ANAPC4: variants seen among roughly 807,000 people sequenced by gnomAD.
The protein encoded by ANAPC4 is anaphase-promoting complex subunit 4.
ANAPC4 carries 63 observed loss-of-function variants against 119.8 expected under a neutral mutation model. That is an observed-to-expected ratio of 0.53 (90% CI 0.43 to 0.65). The LOEUF is 0.65. ANAPC4 is among the 30% of genes least tolerant of loss of function. The pLI is 0.00. For synonymous variants in ANAPC4, 283 were observed against 318.6 expected (o/e 0.89, Z 1.19); for missense variants, 716 against 945.1 (o/e 0.76, Z 3.18).
chr4:25,399,331 AC>A (rs1268298564), intron 16 of ANAPC4, among the ~76,000 whole-genome samples: 1 of 152,162 alleles, frequency 6.6e-6, no homozygotes, highest in African/African-American at 2.4e-5. Flanking sequence ...GTTCGGGATC[AC>A]GTATTTGTTT....
Position 25,417,756 on chromosome 4 carries a change from C to T in ANAPC4, c.2199+17C>T, listed in dbSNP as rs184602267. On this transcript the variant is annotated intron_variant, in intron 28 of 28. Transcript: ENST00000315368. ...TCCTGTGTGGTAAGTGTTTAGAGAT[C>T]GTTCAGCAACTAAGAAATTACAAGA... The T allele has an allele frequency of 1.2e-3, 1,930 of 1,590,794 alleles. 1 individual carries two copies. The highest frequency in any genetic ancestry group is 1.5e-3 in the Admixed American group (82 of 53,946).
At position 25,414,341 on chromosome 4, in the gene ANAPC4, G is replaced by A. The variant is rs754737228; in HGVS notation, c.1641G>A (p.Ser547=). 8 of 1,592,998 alleles carry A rather than the reference G, an allele frequency of 5.0e-6. No homozygotes were observed. The highest frequency in any genetic ancestry group is 1.3e-5 in the African/African-American group (1 of 74,470). ...LQKPADVIGK[S]MNQAICIPLY... is the part of the protein sequence containing the mutation. The stretch of plus-strand genomic sequence containing the variant: ...TTATATAGGATGTAATTGGAAAATC[G>A]ATGAATCAAGCAATCTGTATTCCAT... The change falls in exon 23 of 29, where the codon TCG becomes TCA. Residue 547 remains serine (S), a synonymous_variant. Transcript: ENST00000315368.
At chr4:25,415,351 T>C (rs1355780130) in intron 25 of ANAPC4, 115 bp from the exon 26 acceptor site, 3 of 680,518 alleles carry the variant, frequency 4.4e-6, no homozygotes, top group Non-Finnish European at 4.8e-6. Flanking sequence ...AAGTTCTCAG[T>C]GTTCTAAAGA....
chr4:25,413,401 T>G, intron 21 of ANAPC4: 1 of 350,414 alleles, frequency 2.9e-6, no homozygotes, highest in Non-Finnish European at 5.1e-6. Context: ...TACAGTTGGA[T>G]TTTGGTGAGT....
chr4:25,390,146 C>T lies in ANAPC4; in HGVS notation c.526C>T (p.Leu176Phe), dbSNP rs1208447595. 4 of 1,612,150 alleles carry T rather than the reference C, an allele frequency of 2.5e-6. No homozygotes were observed. Among genetic ancestry groups the T allele is most frequent in the South Asian group, 1.1e-5 (1 of 90,918 alleles). The change falls in exon 8 of 29, where the codon CTC (leucine) becomes TTC (phenylalanine). Residue 176 changes from leucine to phenylalanine, a missense_variant. Physicochemically the swap from Leu to Phe is conservative, Grantham distance 22. Around this residue, in one of 3 missense-constraint regions of ANAPC4, gnomAD observed 202 missense variants for 293.5 expected, o/e 0.69. Transcript: ENST00000315368. ...KLLGDVRLNI[L>F]VLGGSSGFIE... ...ATTGTTTTTAATTAGGCTTAATATT[C>T]TCGTCCTTGGAGGAAGCTCTGGATT...
intron 22 of ANAPC4, 32 bp from the exon 23 acceptor site, chr4:25,414,292 C>T: frequency 7.1e-7 from 1 of 1,403,060 alleles, no homozygotes; most frequent in Non-Finnish European, 9.8e-7. Flanking sequence ...TATTAACGCT[C>T]TAATTATATT....
rs1444681913 is a variant in ANAPC4, at chr4:25,393,078, G to C, written c.789+657G>C. Among the ~76,000 whole-genome samples, 3 of 152,134 alleles carry C rather than the reference G, an allele frequency of 2.0e-5. No homozygotes were observed. In the East Asian group the frequency reaches 5.8e-4, roughly 29 times the overall value. On this transcript the variant is annotated intron_variant, in intron 10 of 28. Transcript: ENST00000315368. The stretch of plus-strand genomic sequence containing the variant: ...GAAATGGACTCTGCATCTGACTGGA[G>C]GGGCTACAAAAGATTGTGGCCATGT...
intron 26 of ANAPC4, 93 bp from the exon 27 acceptor site, chr4:25,416,331 AT>A (rs1723869503): frequency 1.0e-4 from 79 of 775,792 alleles, no homozygotes; most frequent in Non-Finnish European, 1.5e-4. Context: ...TAACTTTTAA[AT>A]TTTTTTCTGC....
chr4:25,389,627 A>C (rs10020759), intron 7 of ANAPC4, among the ~76,000 whole-genome samples: 8,576 of 152,306 alleles, frequency 0.056, 319 homozygotes, highest in South Asian at 0.14. Flanking sequence ...AACAATATAT[A>C]GACCTTAATA....
At chr4:25,384,585 T>TGGGAGGCCAAGGTAGGCAGGAGCTC (rs1721925518) in intron 4 of ANAPC4, among the ~76,000 whole-genome samples, 1 of 152,154 alleles carries the variant, frequency 6.6e-6, no homozygotes, top group Non-Finnish European at 1.5e-5. Flanking sequence ...CCCAGCACTT[T>TGGGAGGCCAAGGTAGGCAGGAGCTC]GGGAGGCCAA....
In ANAPC4 at chr4:25,415,548, T is replaced by G. The variant is rs2109147753; in HGVS notation, c.1901+8T>G. On this transcript the variant is annotated splice_region_variant and intron_variant, in intron 26 of 28. Transcript: ENST00000315368. The stretch of plus-strand genomic sequence containing the variant: ...AGAAAAAGTCAGAAGAAGGTAAGTC[T>G]TGAATCTTGTTTGGATGAAATGTAG... 6.2e-7 allele frequency: 1 copy of G among 1,609,346 alleles called. No individual in the cohort carries two copies. Among genetic ancestry groups the G allele is most frequent in the South Asian group, 1.1e-5 (1 of 90,630 alleles).
intron 28 of ANAPC4, 190 bp downstream of exon 28, chr4:25,417,929 A>G: frequency 1.1e-6 from 1 of 881,606 alleles, no homozygotes; most frequent in Non-Finnish European, 1.7e-6. Flanking sequence ...AAAGCTTACT[A>G]AGTAGTTAAT....
intron 2 of ANAPC4, among the ~76,000 whole-genome samples, chr4:25,378,088 C>T (rs979344804): frequency 3.3e-5 from 5 of 152,240 alleles, no homozygotes; most frequent in African/African-American, 1.2e-4. Flanking sequence ...GATAACCACC[C>T]TCCACTAAAA....
chr4:25,403,720 T>A (rs1451641620), intron 17 of ANAPC4, among the ~76,000 whole-genome samples: 1 of 152,178 alleles, frequency 6.6e-6, no homozygotes, highest in Non-Finnish European at 1.5e-5. Context: ...CTGTCCACAT[T>A]TGAGGTTCTC....
At chr4:25,400,259 TGAGAG>T (rs1722893220) in intron 16 of ANAPC4, among the ~76,000 whole-genome samples, 1 of 151,796 alleles carries the variant, frequency 6.6e-6, no homozygotes. Flanking sequence ...AAAATTGAGA[TGAGAG>T]AGGAGAGGCT....
intron 3 of ANAPC4, among the ~76,000 whole-genome samples, chr4:25,381,531 C>T (rs895871684): frequency 2.6e-5 from 4 of 152,088 alleles, no homozygotes; most frequent in East Asian, 1.9e-4. Flanking sequence ...AGGCTGGTCT[C>T]GAACGCCTGG....
intron 17 of ANAPC4, 83 bp downstream of exon 17, chr4:25,403,109 T>C: frequency 9.5e-7 from 1 of 1,050,292 alleles, no homozygotes; most frequent in South Asian, 1.6e-5. Context: ...TCAATAAATC[T>C]AGTACAATTT....
At chr4:25,403,083 ATTATC>A (rs1197872525) in intron 17 of ANAPC4, 57 bp downstream of exon 17, 22 of 1,275,940 alleles carry the variant, frequency 1.7e-5, no homozygotes, top group Middle Eastern at 2.5e-4. Context: ...TTATAGGAGT[ATTATC>A]TTAGACTGTT....
intron 25 of ANAPC4, 95 bp from the exon 26 acceptor site, chr4:25,415,371 A>G (rs1723801226): frequency 1.1e-6 from 1 of 930,286 alleles, no homozygotes. Context: ...AAGTACATGT[A>G]CTGACCCTGA....
Sources: gnomAD v4.1 joint callset for allele counts (sites outside exome capture counted in the v4.1 genomes callset) on GRCh38, gnomAD v4.1.1 for gene constraint, gnomAD v4.1.1 regional missense constraint, MANE v1.5 for transcripts, NCBI Gene and HGNC (gene_info 2026-07-23, HGNC 2026-07-21) for gene names.